Variants in SLCO3A1 observed in about 807,000 individuals in gnomAD.
The protein encoded by SLCO3A1 is PGE1 transporter.
Under a neutral mutation model 63.1 loss-of-function variants are expected in SLCO3A1, and 27 were observed. The observed-to-expected ratio is 0.43, with a 90% CI of 0.32 to 0.59. SLCO3A1 has a LOEUF of 0.59. SLCO3A1 is among the 20% of genes least tolerant of loss of function. The pLI is 0.09. For synonymous variants in SLCO3A1, 473 were observed against 409.9 expected, an observed-to-expected ratio of 1.15 and a Z score of -1.86; for missense variants, 773 against 945.8, an observed-to-expected ratio of 0.82 and a Z score of 2.40.
chr15:92,126,870 C>G (rs1317114374), intron 6 of SLCO3A1, among the ~76,000 whole-genome samples: 4 of 152,184 alleles, frequency 2.6e-5, no homozygotes, highest in Non-Finnish European at 5.9e-5. Flanking sequence ...ATAGCTGTCC[C>G]CTTTTCCACA....
intron 6 of SLCO3A1, among the ~76,000 whole-genome samples, chr15:92,127,980 G>C (rs571049898): frequency 1.3e-5 from 2 of 152,250 alleles, no homozygotes; most frequent in South Asian, 4.2e-4. Context: ...GCATCGTGGA[G>C]GGGGTGGCCC....
chr15:91,934,205 C>G (rs1055233634), intron 2 of SLCO3A1, among the ~76,000 whole-genome samples: 1 of 152,022 alleles, frequency 6.6e-6, no homozygotes, highest in African/African-American at 2.4e-5. Context: ...ATGTCTGTAC[C>G]CCCAGTGAGT....
chr15:92,120,893 G>A (rs1406470123), intron 5 of SLCO3A1, among the ~76,000 whole-genome samples: 2 of 152,196 alleles, frequency 1.3e-5, no homozygotes, highest in African/African-American at 4.8e-5. Context: ...CGATAGATGG[G>A]TGTGAAATGG....
chr15:91,944,095 C>T (rs996111748), intron 2 of SLCO3A1, among the ~76,000 whole-genome samples: 4 of 152,194 alleles, frequency 2.6e-5, no homozygotes, highest in African/African-American at 9.6e-5. Context: ...CACAACCTCA[C>T]TGTACCTCAG....
intron 2 of SLCO3A1, among the ~76,000 whole-genome samples, chr15:91,995,602 T>TA (rs1465390416): frequency 1.3e-5 from 2 of 152,136 alleles, no homozygotes; most frequent in Non-Finnish European, 2.9e-5. Context: ...CAGAAGTCCC[T>TA]AGTGGGGAGA....
rs536155425 is a variant in SLCO3A1 at position 92,147,524 on chromosome 15, C to G, written c.1688+365C>G. 3.3e-5 allele frequency among the ~76,000 whole-genome samples: 5 copies of G among 152,124 alleles called. No homozygotes were observed. The East Asian group carries it at 9.7e-4, about 29-fold the overall frequency. On this transcript the variant is annotated intron_variant, in intron 8 of 9. Transcript: ENST00000318445. ...CCCTGCCACTGCTTAGCCATATGAC[C>G]GTGGGCATTTTCCCCCTAGACTTGC...
intron 2 of SLCO3A1, among the ~76,000 whole-genome samples, chr15:91,963,593 T>C (rs1900543424): frequency 6.6e-6 from 1 of 152,166 alleles, no homozygotes; most frequent in Non-Finnish European, 1.5e-5. Context: ...TCTGGTGGGT[T>C]CTTGGTTTTG....
chr15:92,074,698 C>T (rs1334007730), intron 2 of SLCO3A1, among the ~76,000 whole-genome samples: 2 of 152,042 alleles, frequency 1.3e-5, no homozygotes, highest in Non-Finnish European at 2.9e-5. Flanking sequence ...GAAAAGCCAT[C>T]TTCCAGGACA....
intron 2 of SLCO3A1, among the ~76,000 whole-genome samples, chr15:91,965,284 A>C (rs1900615962): frequency 6.6e-6 from 1 of 152,172 alleles, no homozygotes; most frequent in African/African-American, 2.4e-5. Flanking sequence ...CTGGCTCCTC[A>C]GGGATCCCCA....
chr15:92,108,971 T>A (rs965481875), intron 4 of SLCO3A1, among the ~76,000 whole-genome samples: 3 of 152,170 alleles, frequency 2.0e-5, no homozygotes, highest in Non-Finnish European at 4.4e-5. Flanking sequence ...CCAAAGATTA[T>A]GCATTTTCCA....
At chr15:91,975,532 G>T (rs903677218) in intron 2 of SLCO3A1, among the ~76,000 whole-genome samples, 2 of 152,238 alleles carry the variant, frequency 1.3e-5, no homozygotes, top group African/African-American at 4.8e-5. Flanking sequence ...AAGCAGCTGT[G>T]TATTTCAAAT....
chr15:92,134,925 G>A (rs1053393977), intron 7 of SLCO3A1, among the ~76,000 whole-genome samples: 1 of 152,004 alleles, frequency 6.6e-6, no homozygotes, highest in East Asian at 1.9e-4. Flanking sequence ...CTCCGCTGGG[G>A]GATGGGGTGA....
chr15:92,161,910 C>T (rs1184235764), intron 9 of SLCO3A1: 1 of 150,138 alleles, frequency 6.7e-6, no homozygotes, highest in Non-Finnish European at 1.5e-5. Flanking sequence ...CACAGTATGC[C>T]GGCGCTTTGC....
rs551351050 is a variant in SLCO3A1, at chr15:91,883,200, G to A, written c.180+29112G>A. 1.0e-3 allele frequency among the ~76,000 whole-genome samples: 158 copies of A among 152,224 alleles called. No homozygotes were observed. Among genetic ancestry groups the A allele is most frequent in the Admixed American group, 1.7e-3 (26 of 15,304 alleles). On this transcript the variant is annotated intron_variant, in intron 1 of 9. Transcript: ENST00000318445. This position sits in a 1 kb window ranked among gnomAD's most constrained non-coding sequence, Gnocchi z 4.8. ...TCCCTCCTTCCCCTTTTTTAACAGC[G>A]GGCAGTAAGTGGTCTGGGTTTCACT...
intron 2 of SLCO3A1, among the ~76,000 whole-genome samples, chr15:91,990,358 G>C (rs1338716424): frequency 6.6e-6 from 1 of 152,158 alleles, no homozygotes; most frequent in African/African-American, 2.4e-5. Context: ...CAAAGAACTG[G>C]TGTTACTTAG....
At chr15:92,146,846 T>G (rs2048231215) in intron 7 of SLCO3A1, 138 bp from the exon 8 acceptor site, 1 of 711,496 alleles carries the variant, frequency 1.4e-6, no homozygotes, top group Non-Finnish European at 2.2e-6. Context: ...AAAAGCTAAC[T>G]AACTCGTTTA....
At chr15:92,081,699 G>A (rs887299401) in intron 2 of SLCO3A1, among the ~76,000 whole-genome samples, 1 of 152,162 alleles carries the variant, frequency 6.6e-6, no homozygotes, top group Non-Finnish European at 1.5e-5. Context: ...AGAAAGTCTG[G>A]TCAAGGGCAG....
intron 2 of SLCO3A1, among the ~76,000 whole-genome samples, chr15:91,984,086 C>T (rs1215796822): frequency 6.6e-6 from 1 of 152,194 alleles, no homozygotes; most frequent in Non-Finnish European, 1.5e-5. Flanking sequence ...CAGGGGGCCA[C>T]CAGGTCAGAT....
chr15:92,035,619 C>A (rs913984116), intron 2 of SLCO3A1, among the ~76,000 whole-genome samples: 1 of 151,654 alleles, frequency 6.6e-6, no homozygotes, highest in African/African-American at 2.4e-5. Flanking sequence ...AGAGGGAGGA[C>A]AAAGCTCACA....
Sources: gnomAD v4.1 joint callset for allele counts (sites outside exome capture counted in the v4.1 genomes callset) on GRCh38, gnomAD v4.1.1 for gene constraint, Gnocchi (gnomAD v3.1) non-coding constraint, MANE v1.5 for transcripts, NCBI Gene and HGNC (gene_info 2026-07-23, HGNC 2026-07-21) for gene names.